Variants in RORB observed in about 807,000 individuals in gnomAD.
The protein encoded by RORB is RAR related orphan receptor B.
RORB carries 6 observed loss-of-function variants against 59.1 expected under a neutral mutation model. The observed-to-expected ratio is 0.10, with a 90% CI of 0.06 to 0.20. RORB has a LOEUF of 0.20. Among genes scored for constraint, RORB ranks in the 10% least tolerant of loss-of-function variants. RORB has a pLI of 1.00. For missense variants in RORB, 320 were observed against 560.5 expected (o/e 0.57, Z 4.33); for synonymous variants, 215 against 204.5 (o/e 1.05, Z -0.44).
intron 1 of RORB, among the ~76,000 whole-genome samples, chr9:74,577,079 T>C (rs1822647096): frequency 1.3e-5 from 2 of 152,136 alleles, no homozygotes; most frequent in Admixed American, 1.3e-4. Context: ...TGTGTCTATG[T>C]ATTCTGCTGA....
At chr9:74,628,043 G>A (rs1823550022) in intron 1 of RORB, among the ~76,000 whole-genome samples, 1 of 152,138 alleles carries the variant, frequency 6.6e-6, no homozygotes, top group South Asian at 2.1e-4. Flanking sequence ...ACAAATCTAT[G>A]AAGTTTGTCA....
intron 2 of RORB, among the ~76,000 whole-genome samples, chr9:74,632,304 A>G: frequency 6.6e-6 from 1 of 152,186 alleles, no homozygotes; most frequent in African/African-American, 2.4e-5. Context: ...CTGAGGTTTT[A>G]GTCAAAATGG....
At chr9:74,555,257 T>C (rs371361909) in intron 1 of RORB, among the ~76,000 whole-genome samples, 1 of 152,210 alleles carries the variant, frequency 6.6e-6, no homozygotes, top group Non-Finnish European at 1.5e-5. Context: ...CTGTTCAGCA[T>C]AGCATATGAC....
At chr9:74,534,999 C>T (rs1192607954) in intron 1 of RORB, among the ~76,000 whole-genome samples, 1 of 152,012 alleles carries the variant, frequency 6.6e-6, no homozygotes, top group Non-Finnish European at 1.5e-5. Flanking sequence ...TCTCACCTCT[C>T]CATATAGATC....
intron 1 of RORB, among the ~76,000 whole-genome samples, chr9:74,605,363 G>A (rs1265474892): frequency 6.6e-6 from 1 of 152,114 alleles, no homozygotes; most frequent in Admixed American, 6.6e-5. Context: ...TGGTATTGTT[G>A]GTCAGTAACC....
chr9:74,589,416 A>G (rs1282031249), intron 1 of RORB, among the ~76,000 whole-genome samples: 1 of 152,176 alleles, frequency 6.6e-6, no homozygotes, highest in African/African-American at 2.4e-5. Flanking sequence ...CAGGGTCCCC[A>G]TGAGTCAATG....
chr9:74,656,102 A>G (rs1208110880), intron 4 of RORB, among the ~76,000 whole-genome samples: 1 of 152,248 alleles, frequency 6.6e-6, no homozygotes, highest in Non-Finnish European at 1.5e-5. Flanking sequence ...CATCAAACAA[A>G]GGATCAATCT....
intron 1 of RORB, among the ~76,000 whole-genome samples, chr9:74,597,056 CACTGGGACCT>C (rs1232198067): frequency 4.6e-5 from 7 of 152,188 alleles, no homozygotes; most frequent in Admixed American, 1.3e-4. Context: ...TCTCAAAGAT[CACTGGGACCT>C]ACCCCAAGAG....
chr9:74,586,621 G>GTGTGTA (rs1822804053), intron 1 of RORB, among the ~76,000 whole-genome samples: 2 of 151,786 alleles, frequency 1.3e-5, no homozygotes, highest in African/African-American at 4.8e-5. Context: ...GTGTGTGTGT[G>GTGTGTA]TGTGTGTGTG....
chr9:74,518,050 A>G (rs1826033075), intron 1 of RORB, among the ~76,000 whole-genome samples: 1 of 151,974 alleles, frequency 6.6e-6, no homozygotes, highest in Non-Finnish European at 1.5e-5. Flanking sequence ...CAGATTTTTA[A>G]CAGCTCTGCC....
At chr9:74,672,327 G>T (rs1824360685) in intron 9 of RORB, among the ~76,000 whole-genome samples, 1 of 152,204 alleles carries the variant, frequency 6.6e-6, no homozygotes, top group Admixed American at 6.6e-5. Context: ...GAGAATTGTT[G>T]TATGGGGGGT....
intron 1 of RORB, among the ~76,000 whole-genome samples, chr9:74,600,906 T>C (rs963204052): frequency 6.6e-6 from 1 of 152,124 alleles, no homozygotes; most frequent in African/African-American, 2.4e-5. Flanking sequence ...TAATGCTTGA[T>C]ACAAAACACA....
intron 1 of RORB, among the ~76,000 whole-genome samples, chr9:74,588,485 T>C (rs1822840239): frequency 6.6e-6 from 1 of 152,204 alleles, no homozygotes. Flanking sequence ...AAATAATGAT[T>C]TTAAGAGCCA....
At chr9:74,675,314 C>A (rs1824419821) in intron 9 of RORB, among the ~76,000 whole-genome samples, 1 of 148,078 alleles carries the variant, frequency 6.8e-6, no homozygotes, top group African/African-American at 2.5e-5. Flanking sequence ...AAAAAAAATA[C>A]ATACATATAT....
chr9:74,563,707 T>A (rs926599871), intron 1 of RORB, among the ~76,000 whole-genome samples: 1 of 152,190 alleles, frequency 6.6e-6, no homozygotes. Context: ...GGTTAAGGGA[T>A]GCTGAGGCAT....
At chr9:74,638,518 T>TA (rs1823741424) in intron 3 of RORB, among the ~76,000 whole-genome samples, 1 of 151,736 alleles carries the variant, frequency 6.6e-6, no homozygotes. Context: ...GCTGTCTTTA[T>TA]ACTCAAGTGA....
chr9:74,602,697 G>A (rs1443136094), intron 1 of RORB, among the ~76,000 whole-genome samples: 1 of 152,192 alleles, frequency 6.6e-6, no homozygotes, highest in Non-Finnish European at 1.5e-5. Context: ...CCCACACTTA[G>A]TTGGCAAATC....
intron 1 of RORB, among the ~76,000 whole-genome samples, chr9:74,551,987 T>C (rs958165873): frequency 3.3e-5 from 5 of 152,022 alleles, no homozygotes; most frequent in Non-Finnish European, 7.4e-5. Context: ...AAGAGGCTAT[T>C]GAAAGGACAA....
intron 1 of RORB, among the ~76,000 whole-genome samples, chr9:74,565,852 A>G (rs1203896859): frequency 6.6e-6 from 1 of 152,148 alleles, no homozygotes; most frequent in African/African-American, 2.4e-5. Flanking sequence ...AGTCCCCTTC[A>G]TGTCTCTTAC....
Sources: gnomAD v4.1 joint callset for allele counts (sites outside exome capture counted in the v4.1 genomes callset) on GRCh38, gnomAD v4.1.1 for gene constraint, MANE v1.5 for transcripts, NCBI Gene and HGNC (gene_info 2026-07-23, HGNC 2026-07-21) for gene names.